FOCAD: variants seen among roughly 807,000 people sequenced by gnomAD.
FOCAD encodes the protein focadhesin.
A neutral mutation model predicts 225.6 loss-of-function variants in FOCAD; 198 were observed. That is an observed-to-expected ratio of 0.88 (90% confidence interval 0.78 to 0.99). FOCAD has a LOEUF of 0.99. Among genes scored for constraint, FOCAD ranks in the 50% least tolerant of loss-of-function variants. The probability of loss-of-function intolerance (pLI) is 0.00; values close to 1 mark genes in which losing one functional copy is unlikely to be tolerated. For synonymous variants in FOCAD, 897 were observed against 755.0 expected (o/e 1.19, Z -3.08); for missense variants, 2,713 against 2,123.6 (o/e 1.28, Z -5.46).
intron 7 of FOCAD, 94 bp from the exon 8 acceptor site, chr9:20,769,938 G>T: frequency 1.7e-6 from 2 of 1,180,018 alleles, no homozygotes; most frequent in South Asian, 1.5e-5. Flanking sequence ...TAGGTTTAGA[G>T]AAAAAATTAC....
chr9:20,828,155 G>GAA (rs201634195), intron 15 of FOCAD, among the ~76,000 whole-genome samples: 4 of 96,220 alleles, frequency 4.2e-5, no homozygotes, highest in Non-Finnish European at 4.6e-5. Context: ...TCTGTCTCAA[G>GAA]AAAAAAAAAA....
chr9:20,805,290 ATAAC>A (rs1470562434), intron 11 of FOCAD, among the ~76,000 whole-genome samples: 1 of 152,220 alleles, frequency 6.6e-6, no homozygotes, highest in Non-Finnish European at 1.5e-5. Context: ...AAGTGAATGA[ATAAC>A]TATTGATCTG....
At chr9:20,705,433 T>A (rs1041912695) in intron 1 of FOCAD, among the ~76,000 whole-genome samples, 1 of 152,160 alleles carries the variant, frequency 6.6e-6, no homozygotes, top group African/African-American at 2.4e-5. Context: ...TATTCAAAAT[T>A]TGAGTCATTT....
intron 28 of FOCAD, among the ~76,000 whole-genome samples, chr9:20,943,897 T>C (rs1479665051): frequency 1.3e-5 from 2 of 152,214 alleles, no homozygotes; most frequent in Non-Finnish European, 2.9e-5. Context: ...GAGAGAACAA[T>C]TATTTTCTTT....
At chr9:20,937,284 C>G in intron 28 of FOCAD, among the ~76,000 whole-genome samples, 1 of 150,272 alleles carries the variant, frequency 6.7e-6, no homozygotes, top group East Asian at 1.9e-4. Flanking sequence ...AATCCTAAGC[C>G]AAAAGAACAA....
chr9:20,754,549 G>GTT (rs11412520), intron 5 of FOCAD, among the ~76,000 whole-genome samples: 1,839 of 145,918 alleles, frequency 0.013, 21 homozygotes, highest in Non-Finnish European at 0.019. Context: ...GAAGCATAGT[G>GTT]TTTTTTTTTT....
intron 18 of FOCAD, among the ~76,000 whole-genome samples, chr9:20,873,454 A>C (rs1483393510): frequency 6.6e-6 from 1 of 152,160 alleles, no homozygotes; most frequent in Admixed American, 6.5e-5. Flanking sequence ...AGTTTCTCTG[A>C]TATGCAGTGA....
At chr9:20,735,292 A>G (rs938807077) in intron 4 of FOCAD, among the ~76,000 whole-genome samples, 1 of 152,130 alleles carries the variant, frequency 6.6e-6, no homozygotes, top group Non-Finnish European at 1.5e-5. Flanking sequence ...ACTATCTGGA[A>G]TTTTAGTTAC....
intron 35 of FOCAD, among the ~76,000 whole-genome samples, chr9:20,956,150 A>G (rs1332147142): frequency 6.6e-6 from 1 of 152,230 alleles, no homozygotes; most frequent in African/African-American, 2.4e-5. Context: ...AGGTAGGCAT[A>G]TGCTCCTTCA....
chr9:20,886,346 C>T (rs1334087922), intron 21 of FOCAD, among the ~76,000 whole-genome samples: 1 of 152,092 alleles, frequency 6.6e-6, no homozygotes, highest in Non-Finnish European at 1.5e-5. Context: ...TTGTCCCTGG[C>T]ATCTCATTAG....
intron 17 of FOCAD, 33 bp from the exon 18 acceptor site, chr9:20,866,888 CTTTTTTTT>C (rs10629839): frequency 2.3e-3 from 788 of 341,806 alleles, no homozygotes; most frequent in East Asian, 0.021. Flanking sequence ...TGTTTGCTTG[CTTTTTTTT>C]TTTTTTTTTT....
At chr9:20,917,652 C>A (rs1833985414) in intron 24 of FOCAD, among the ~76,000 whole-genome samples, 1 of 151,906 alleles carries the variant, frequency 6.6e-6, no homozygotes, top group African/African-American at 2.4e-5. Context: ...TTCTTTCTTG[C>A]CTCCAACCAA....
chr9:20,701,657 GCATATAACCAAAGAA>G (rs1446893835), intron 1 of FOCAD, among the ~76,000 whole-genome samples: 1 of 152,214 alleles, frequency 6.6e-6, no homozygotes. Flanking sequence ...TGAAATAAAG[GCATATAACCAAAGAA>G]CATATACAGA....
At chr9:20,934,866 T>TC in intron 28 of FOCAD, among the ~76,000 whole-genome samples, 1 of 151,842 alleles carries the variant, frequency 6.6e-6, no homozygotes, top group South Asian at 2.1e-4. Flanking sequence ...CCCTTTTTTT[T>TC]ACAATAGCTG....
At chr9:20,877,276 C>A (rs892729629) in intron 19 of FOCAD, among the ~76,000 whole-genome samples, 1 of 151,926 alleles carries the variant, frequency 6.6e-6, no homozygotes, top group Non-Finnish European at 1.5e-5. Flanking sequence ...TTGTAATTGC[C>A]GAAATCCTGA....
chr9:20,935,879 C>A (rs1835897629), intron 28 of FOCAD, among the ~76,000 whole-genome samples: 3 of 152,188 alleles, frequency 2.0e-5, no homozygotes, highest in Admixed American at 2.0e-4. Context: ...CTTCCCCATG[C>A]TAACCCCATG....
chr9:20,801,189 C>T (rs1042582938), intron 11 of FOCAD, among the ~76,000 whole-genome samples: 10 of 151,970 alleles, frequency 6.6e-5, no homozygotes, highest in Admixed American at 4.6e-4. Flanking sequence ...TAATGTGACA[C>T]AGCATGTTTT....
intron 1 of FOCAD, among the ~76,000 whole-genome samples, chr9:20,685,607 A>G (rs1234323143): frequency 2.6e-5 from 4 of 152,234 alleles, no homozygotes; most frequent in Non-Finnish European, 5.9e-5. Flanking sequence ...ATACAAAGGT[A>G]TGATATTGAA....
At chr9:20,683,054 C>A (rs988969078), upstream of FOCAD, among the ~76,000 whole-genome samples, 1 of 152,144 alleles carries the variant, frequency 6.6e-6, no homozygotes, top group African/African-American at 2.4e-5. Context: ...TGTGAGCCCC[C>A]CCACCTGGCC....
Sources: gnomAD v4.1 joint callset for allele counts (sites outside exome capture counted in the v4.1 genomes callset) on GRCh38, gnomAD v4.1.1 for gene constraint, MANE v1.5 for transcripts, NCBI Gene and HGNC (gene_info 2026-07-23, HGNC 2026-07-21) for gene names.